The following MFSD1 variants were observed in gnomAD, a reference collection of about 807,000 sequenced individuals.
MFSD1 encodes lysosomal dipeptide transporter MFSD1.
Under a neutral mutation model 67.1 loss-of-function variants are expected in MFSD1, and 59 were observed. The observed-to-expected ratio is 0.88, with a 90% CI of 0.71 to 1.09. The LOEUF (loss-of-function observed/expected upper bound fraction) is 1.09. Among genes scored for constraint, MFSD1 ranks in the 50% least tolerant of loss-of-function variants. MFSD1 has a pLI of 0.00. For synonymous variants in MFSD1, 213 were observed against 200.3 expected, an observed-to-expected ratio of 1.06 and a Z score of -0.54; for missense variants, 552 against 566.1, an observed-to-expected ratio of 0.97 and a Z score of 0.25.
chr3:158,820,235 G>C lies in MFSD1; in HGVS notation c.772G>C (p.Asp258His). 1.2e-6 allele frequency: 2 copies of C among 1,602,782 alleles called. No homozygotes were observed. The highest frequency in any genetic ancestry group is 1.7e-6 in the Non-Finnish European group (2 of 1,170,094). The change falls in exon 9 of 16, where the codon GAT becomes CAT. Residue 258 changes from aspartate (D) to histidine (H), a missense_variant. Coordinates refer to ENST00000415822, the MANE Select transcript of MFSD1 (RefSeq NM_022736.4). ...CTAAGGTGAAGTTATTAAATTAACT[G>C]ATGTAAAGGACTTCTCCTTACCCCT... ...GKTGEVIKLT[D>H]VKDFSLPLWL...
At chr3:158,827,456 C>G in intron 15 of MFSD1, 119 bp downstream of exon 15, 1 of 556,154 alleles carries the variant, frequency 1.8e-6, no homozygotes, top group South Asian at 2.7e-5. Flanking sequence ...TGCTTGTCGT[C>G]CAGGCTGGAG....
At chr3:158,828,420 A>G (rs887527651) in intron 15 of MFSD1, among the ~76,000 whole-genome samples, 5 of 152,130 alleles carry the variant, frequency 3.3e-5, no homozygotes, top group Non-Finnish European at 7.4e-5. Context: ...TAACAAATAC[A>G]TCTTAAAATA....
chr3:158,802,515 T>C, intron 1 of MFSD1, 200 bp downstream of exon 1: 1 of 752,354 alleles, frequency 1.3e-6, no homozygotes, highest in Non-Finnish European at 2.3e-6. Context: ...GTCCGGAACG[T>C]GGAGGTCGAG....
At chr3:158,821,689 T>A in intron 10 of MFSD1, 36 bp downstream of exon 10, 1 of 1,491,272 alleles carries the variant, frequency 6.7e-7, no homozygotes, top group Non-Finnish European at 9.3e-7. Flanking sequence ...GCCTATTGCA[T>A]GTGAAGTATG....
intron 7 of MFSD1, chr3:158,819,445 A>G: frequency 7.2e-6 from 3 of 416,076 alleles, no homozygotes; most frequent in Non-Finnish European, 1.3e-5. Flanking sequence ...ATAATGCAGT[A>G]AAAGCTACTA....
At chr3:158,808,781 G>A (rs918589586) in intron 5 of MFSD1, among the ~76,000 whole-genome samples, 6 of 152,066 alleles carry the variant, frequency 3.9e-5, no homozygotes, top group Non-Finnish European at 8.8e-5. Context: ...TGGAAGGGTG[G>A]GGGCTGGGAT....
At position 158,824,104 on chromosome 3, in the gene MFSD1, T is replaced by C. The variant is rs1450360664; in HGVS notation, c.1176-20T>C. On this transcript the variant is annotated intron_variant, in intron 12 of 15. Transcript: ENST00000415822. ...AGACTTTTGAAAATGAAATGTGTCT[T>C]TATATTTCTTCCATTGTAGCATGCA... is the stretch of plus-strand genomic sequence containing the variant. The C allele has an allele frequency of 1.9e-6, 3 of 1,557,122 alleles. No individual in the cohort carries two copies. Among genetic ancestry groups the C allele is most frequent in the South Asian group, 2.2e-5 (2 of 89,450 alleles).
At chr3:158,806,931 G>A (rs1255016857) in intron 3 of MFSD1, 109 bp from the exon 4 acceptor site, 7 of 909,724 alleles carry the variant, frequency 7.7e-6, no homozygotes, top group Admixed American at 2.9e-5. Context: ...GAAAACCAAA[G>A]TGAATTATTA....
intron 1 of MFSD1, among the ~76,000 whole-genome samples, chr3:158,803,667 G>A (rs1341342394): frequency 6.6e-6 from 1 of 152,144 alleles, no homozygotes; most frequent in Non-Finnish European, 1.5e-5. Context: ...TTTTCTTGTA[G>A]CCTACGAAGG....
At chr3:158,808,946 G>T (rs752560985) in intron 5 of MFSD1, 4 of 399,352 alleles carry the variant, frequency 1.0e-5, no homozygotes, top group Admixed American at 4.1e-5. Flanking sequence ...TGCGAGTGTC[G>T]GAGTGAAAAG....
intron 7 of MFSD1, among the ~76,000 whole-genome samples, chr3:158,816,351 T>A: frequency 6.6e-6 from 1 of 152,196 alleles, no homozygotes; most frequent in East Asian, 1.9e-4. Context: ...CCATTGTAAC[T>A]GGTGTGAGAT....
At chr3:158,819,541 C>T in intron 7 of MFSD1, 108 bp from the exon 8 acceptor site, 1 of 506,760 alleles carries the variant, frequency 2.0e-6, no homozygotes, top group South Asian at 3.6e-5. Flanking sequence ...ATGTGACATC[C>T]CTTTCAGTTG....
Position 158,805,455 on chromosome 3 carries a change from G to C in MFSD1, c.310G>C (p.Asp104His). The change falls in exon 3 of 16, where the codon GAC becomes CAC. Residue 104 changes from aspartate to histidine, a missense_variant. Transcript: ENST00000415822. ...GTGTTTCTTTGGTGGCTTTTTGATA[G>C]ACCGAGTATTTGGAATACGGTAAGC... ...VLCFFGGFLI[D>H]RVFGIRWGTI... 1.2e-6 allele frequency: 2 copies of C among 1,612,996 alleles called. No homozygotes were observed. Among genetic ancestry groups the C allele is most frequent in the South Asian group, 2.2e-5 (2 of 91,056 alleles).
At chr3:158,826,096 C>T (rs370403528) in intron 14 of MFSD1, 34 bp downstream of exon 14, 11 of 1,584,020 alleles carry the variant, frequency 6.9e-6, no homozygotes, top group African/African-American at 6.7e-5. Context: ...CTTCTTAAAC[C>T]GCAGTGGATC....
At chr3:158,826,468 A>AT (rs947576790) in intron 14 of MFSD1, among the ~76,000 whole-genome samples, 6 of 151,520 alleles carry the variant, frequency 4.0e-5, no homozygotes, top group Admixed American at 3.3e-4. Context: ...GAAATTACAG[A>AT]TTTTTTTTCT....
chr3:158,814,957 C>G (rs1481735862), intron 7 of MFSD1, among the ~76,000 whole-genome samples: 1 of 152,074 alleles, frequency 6.6e-6, no homozygotes, highest in Non-Finnish European at 1.5e-5. Context: ...TGGCACATGC[C>G]TGTAATCCCA....
rs374071058 is a variant in MFSD1 at position 158,822,402 on chromosome 3, T to C, written c.1077+262T>C. The C allele has an allele frequency of 7.9e-5, 18 of 226,752 alleles. No homozygotes were observed. The East Asian group carries it at 1.3e-3, about 16-fold the overall frequency. 14.0% of individuals were successfully genotyped at this position (226,752 alleles called of 1,614,324 possible). ...AAGAGAATTTGAAATAAAGTAGCCT[T>C]ATAAAAGCCAGAATGCTTATTAGTC... is the stretch of plus-strand genomic sequence containing the variant. On this transcript the variant is annotated intron_variant, in intron 11 of 15. Transcript: ENST00000415822.
Position 158,823,517 on chromosome 3 carries a change from A to G in MFSD1, c.1167A>G (p.Ala389=), listed in dbSNP as rs1730785709. 1.9e-6 allele frequency: 3 copies of G among 1,608,196 alleles called. No homozygotes were observed. The highest frequency in any genetic ancestry group is 2.6e-6 in the Non-Finnish European group (3 of 1,174,572). ...TTCCTGAACATCAGCTGGGAACTGC[A>G]TATGGCTTGTAAGTATTTACGCTGT... ...FVVPEHQLGT[A]YGFMQSIQNL... Residue 389 remains alanine (A), a synonymous_variant, in exon 12 of 16, where the codon GCA becomes GCG. Coordinates refer to ENST00000415822, the MANE Select transcript of MFSD1 (RefSeq NM_022736.4).
In MFSD1 at chr3:158,823,203, A is replaced by G. The variant is rs1194452404; in HGVS notation, c.1078-225A>G. 12 of 497,676 alleles carry G rather than the reference A, an allele frequency of 2.4e-5. No individual in the cohort carries two copies. The Admixed American group carries it at 3.8e-4, about 16-fold the overall frequency. The allele number at this position is 497,676 out of a possible 1,614,324, so 30.8% of individuals were successfully genotyped here. A position where few individuals can be genotyped will look rare whatever the true frequency, so the allele number is the denominator to read the frequency against. On this transcript the variant is annotated intron_variant, in intron 11 of 15. Transcript: ENST00000415822. ...AGTTACATATGCATATAATATGATG[A>G]CAAATGAAAATGGTTAAGACAGCAT...
Sources: allele counts gnomAD v4.1 joint callset (sites outside exome capture counted in the v4.1 genomes callset), GRCh38; gene constraint gnomAD v4.1.1; transcripts MANE v1.5; gene names NCBI Gene and HGNC (gene_info 2026-07-23, HGNC 2026-07-21).